SLC24A2: variants seen among roughly 807,000 people sequenced by gnomAD.
SLC24A2 encodes the protein solute carrier family 24 member 2.
A neutral mutation model predicts 62.0 loss-of-function variants in SLC24A2; 36 were observed. The ratio of observed to expected loss-of-function variants is 0.58; its 90% CI spans 0.44 to 0.77. The LOEUF is 0.77. SLC24A2 is among the 30% of genes least tolerant of loss of function. SLC24A2 has a pLI of 0.00. For synonymous variants in SLC24A2, 358 were observed against 294.0 expected (o/e 1.22, Z -2.23); for missense variants, 846 against 817.9 (o/e 1.03, Z -0.42).
At chr9:19,717,834 C>T (rs1246351616) in intron 2 of SLC24A2, among the ~76,000 whole-genome samples, 1 of 152,040 alleles carries the variant, frequency 6.6e-6, no homozygotes, top group Non-Finnish European at 1.5e-5. Context: ...AAAGGGTCAT[C>T]AAATAATTAG....
chr9:20,283,756 G>A, the SLC24A2 span, among the ~76,000 whole-genome samples: 431 of 145,050 alleles, frequency 3.0e-3, 5 homozygotes, highest in African/African-American at 9.3e-3. Context: ...AAAAAAGGGG[G>A]GGGGGGGCTT....
chr9:19,901,186 G>A, the SLC24A2 span, among the ~76,000 whole-genome samples: 3 of 152,140 alleles, frequency 2.0e-5, no homozygotes, highest in Non-Finnish European at 4.4e-5. Flanking sequence ...AGGCATGGTG[G>A]CAAATACTCA....
intron 7 of SLC24A2, among the ~76,000 whole-genome samples, chr9:19,564,597 T>C (rs1586969495): frequency 1.3e-5 from 2 of 152,126 alleles, no homozygotes; most frequent in African/African-American, 4.8e-5. Context: ...CTTATATAAA[T>C]CTGTTTGCCC....
intron 10 of SLC24A2, among the ~76,000 whole-genome samples, chr9:19,520,332 T>A (rs1172269822): frequency 6.6e-6 from 1 of 152,244 alleles, no homozygotes; most frequent in Non-Finnish European, 1.5e-5. Flanking sequence ...TAGTGATTAT[T>A]CATACTGAGA....
chr9:20,034,158 T>C, the SLC24A2 span, among the ~76,000 whole-genome samples: 1 of 152,086 alleles, frequency 6.6e-6, no homozygotes, highest in East Asian at 1.9e-4. Context: ...CTGGCTATCC[T>C]TCCTGCTTGA....
the SLC24A2 span, among the ~76,000 whole-genome samples, chr9:20,049,977 C>G: frequency 6.6e-6 from 1 of 152,068 alleles, no homozygotes; most frequent in African/African-American, 2.4e-5. Context: ...TTGGTTAAAC[C>G]TAGCAAGATA....
the SLC24A2 span, among the ~76,000 whole-genome samples, chr9:20,170,791 T>G: frequency 6.6e-6 from 1 of 152,046 alleles, no homozygotes; most frequent in Non-Finnish European, 1.5e-5. Context: ...GTAAAACATA[T>G]TTAGTGGAAG....
At chr9:19,576,595 C>T (rs1836018931) in intron 6 of SLC24A2, among the ~76,000 whole-genome samples, 1 of 152,170 alleles carries the variant, frequency 6.6e-6, no homozygotes, top group South Asian at 2.1e-4. Flanking sequence ...TATGCGTGTG[C>T]ATGTATCCTG....
chr9:19,763,300 C>A (rs1238623191), intron 2 of SLC24A2, among the ~76,000 whole-genome samples: 2 of 152,154 alleles, frequency 1.3e-5, no homozygotes, highest in South Asian at 2.1e-4. Context: ...TATTTGAATA[C>A]CCTTTGTTTC....
chr9:20,049,714 G>C, the SLC24A2 span, among the ~76,000 whole-genome samples: 2 of 151,302 alleles, frequency 1.3e-5, no homozygotes, highest in Non-Finnish European at 2.9e-5. Context: ...AAATCACATA[G>C]AGGGGACATA....
At chr9:19,796,923 A>T in the SLC24A2 span, among the ~76,000 whole-genome samples, 2 of 151,886 alleles carry the variant, frequency 1.3e-5, no homozygotes, top group South Asian at 2.1e-4. Flanking sequence ...TATTTAAAAA[A>T]TTTTTCTTCT....
chr9:19,517,316 C>A (rs1045177774), intron 10 of SLC24A2, among the ~76,000 whole-genome samples: 1 of 152,212 alleles, frequency 6.6e-6, no homozygotes, highest in African/African-American at 2.4e-5. Context: ...AAGGAGATAC[C>A]TGCTTGGCTA....
At chr9:19,873,100 C>G in the SLC24A2 span, among the ~76,000 whole-genome samples, 1 of 152,148 alleles carries the variant, frequency 6.6e-6, no homozygotes, top group African/African-American at 2.4e-5. Context: ...TCTGAAGAAG[C>G]AGTATGGCTT....
At chr9:20,271,973 G>A in the SLC24A2 span, among the ~76,000 whole-genome samples, 2 of 137,796 alleles carry the variant, frequency 1.5e-5, no homozygotes, top group Admixed American at 1.4e-4. Flanking sequence ...ATCTGGAGGG[G>A]GAAAGGTTAA....
chr9:19,833,192 C>T, the SLC24A2 span, among the ~76,000 whole-genome samples: 1 of 152,102 alleles, frequency 6.6e-6, no homozygotes, highest in African/African-American at 2.4e-5. Flanking sequence ...AACTGAGGTA[C>T]CGGGTTCATC....
intron 7 of SLC24A2, among the ~76,000 whole-genome samples, chr9:19,553,246 T>C (rs1394373734): frequency 6.6e-6 from 1 of 152,242 alleles, no homozygotes; most frequent in Non-Finnish European, 1.5e-5. Flanking sequence ...TTATTTTGTC[T>C]TTGTTCAAAC....
chr9:19,923,982 A>C, the SLC24A2 span, among the ~76,000 whole-genome samples: 1 of 152,156 alleles, frequency 6.6e-6, no homozygotes, highest in Admixed American at 6.5e-5. Context: ...CAGGTGGTAC[A>C]CCTGCCTCGG....
chr9:19,681,112 G>A (rs1819710537), intron 2 of SLC24A2, among the ~76,000 whole-genome samples: 2 of 151,796 alleles, frequency 1.3e-5, no homozygotes, highest in Non-Finnish European at 2.9e-5. Context: ...AGAAGTCAAT[G>A]CCCTTATAGA....
chr9:19,609,960 G>A (rs750990029), intron 4 of SLC24A2, among the ~76,000 whole-genome samples: 8 of 152,182 alleles, frequency 5.3e-5, no homozygotes, highest in Non-Finnish European at 1.2e-4. Context: ...GAGCTCAGGC[G>A]GTCATGCTCA....
Sources: allele counts gnomAD v4.1 joint callset (sites outside exome capture counted in the v4.1 genomes callset), GRCh38; gene constraint gnomAD v4.1.1; transcripts MANE v1.5; gene names NCBI Gene and HGNC (gene_info 2026-07-23, HGNC 2026-07-21).